The following RBMS1 variants were observed in gnomAD, a reference collection of about 807,000 sequenced individuals.
RBMS1 encodes RNA-binding motif, single-stranded-interacting protein 1.
In RBMS1, 17 loss-of-function variants were observed where a neutral mutation model predicts 62.3. That is an observed-to-expected ratio of 0.27 (90% confidence interval 0.19 to 0.41). RBMS1 has a LOEUF of 0.41. RBMS1 is among the 10% of genes least tolerant of loss of function. The pLI is 1.00. For missense variants in RBMS1, 334 were observed against 504.5 expected (o/e 0.66, Z 3.24); for synonymous variants, 172 against 170.0 (o/e 1.01, Z -0.09).
intron 1 of RBMS1, among the ~76,000 whole-genome samples, chr2:160,405,598 ATGCCTACACATTCATTTCTTTCTT>A (rs1420960308): frequency 6.6e-6 from 1 of 152,182 alleles, no homozygotes; most frequent in African/African-American, 2.4e-5. Context: ...TGTCTGTATA[ATGCCTACACATTCATTTCTTTCTT>A]TGCCTATAGA....
At chr2:160,363,543 G>A (rs151300024) in intron 2 of RBMS1, among the ~76,000 whole-genome samples, 3 of 151,904 alleles carry the variant, frequency 2.0e-5, no homozygotes, top group Non-Finnish European at 2.9e-5. Context: ...GGAGTCAGCC[G>A]GTTCTTCTGG....
chr2:160,457,412 G>C (rs12692604), intron 1 of RBMS1, among the ~76,000 whole-genome samples: 33,747 of 152,130 alleles, frequency 0.22, 4,259 homozygotes, highest in Admixed American at 0.38. Flanking sequence ...TTACAGGCGT[G>C]AGCCACCGCG....
chr2:160,482,137 G>A (rs1234281040), intron 1 of RBMS1, among the ~76,000 whole-genome samples: 1 of 151,808 alleles, frequency 6.6e-6, no homozygotes, highest in Admixed American at 6.6e-5. Flanking sequence ...ATTAAAAAAA[G>A]AACCAACTGC....
At chr2:160,455,518 G>A (rs1375214265) in intron 1 of RBMS1, among the ~76,000 whole-genome samples, 2 of 152,226 alleles carry the variant, frequency 1.3e-5, no homozygotes, top group African/African-American at 4.8e-5. Flanking sequence ...TATTAACTGT[G>A]GCTGGCAAGC....
intron 2 of RBMS1, among the ~76,000 whole-genome samples, chr2:160,342,568 A>C (rs973991678): frequency 6.6e-6 from 1 of 152,052 alleles, no homozygotes; most frequent in East Asian, 1.9e-4. Context: ...AAAATGTTAG[A>C]TTGCCATTAC....
intron 2 of RBMS1, among the ~76,000 whole-genome samples, chr2:160,353,909 C>G (rs528120569): frequency 5.3e-4 from 81 of 152,176 alleles, no homozygotes; most frequent in African/African-American, 1.7e-3. Flanking sequence ...TTAGTCCCTA[C>G]AAGAACCCTA....
intron 1 of RBMS1, among the ~76,000 whole-genome samples, chr2:160,375,002 C>T (rs1469079980): frequency 6.6e-6 from 1 of 152,056 alleles, no homozygotes; most frequent in East Asian, 1.9e-4. Flanking sequence ...TTGTCCTGGC[C>T]AGGAGCAGGA....
chr2:160,449,686 T>G (rs1455436065), intron 1 of RBMS1, among the ~76,000 whole-genome samples: 1 of 152,072 alleles, frequency 6.6e-6, no homozygotes. Flanking sequence ...ACACAAACAC[T>G]GCGGAAGGCC....
chr2:160,277,219 G>T, intron 12 of RBMS1, 84 bp downstream of exon 12: 1 of 1,239,868 alleles, frequency 8.1e-7, no homozygotes, highest in African/African-American at 1.5e-5. Flanking sequence ...TTTGACGTCT[G>T]GTAGATTTTT....
chr2:160,378,312 G>A (rs1038729850), intron 1 of RBMS1, among the ~76,000 whole-genome samples: 37 of 152,090 alleles, frequency 2.4e-4, no homozygotes, highest in African/African-American at 8.7e-4. Context: ...AAATCAAACA[G>A]GTTAATTAAA....
intron 1 of RBMS1, among the ~76,000 whole-genome samples, chr2:160,474,093 T>C (rs1685034286): frequency 6.6e-6 from 1 of 152,124 alleles, no homozygotes; most frequent in Admixed American, 6.6e-5. Context: ...AAGAACTCAA[T>C]TAAATGAACA....
intron 1 of RBMS1, among the ~76,000 whole-genome samples, chr2:160,394,110 C>T (rs1695011218): frequency 1.3e-5 from 2 of 152,204 alleles, no homozygotes; most frequent in African/African-American, 4.8e-5. Context: ...CAGACTTCCA[C>T]CCACTTTTCG....
At chr2:160,445,727 G>GA (rs1264435371) in intron 1 of RBMS1, among the ~76,000 whole-genome samples, 1 of 152,218 alleles carries the variant, frequency 6.6e-6, no homozygotes, top group Non-Finnish European at 1.5e-5. Context: ...TAGTAAGCAA[G>GA]ACCAATCCCC....
intron 2 of RBMS1, among the ~76,000 whole-genome samples, chr2:160,355,182 T>C (rs907190531): frequency 2.0e-5 from 3 of 152,164 alleles, no homozygotes; most frequent in Non-Finnish European, 2.9e-5. Context: ...ATACAGGCTA[T>C]CTCGACTGAG....
At chr2:160,440,549 C>T (rs1461701301) in intron 1 of RBMS1, among the ~76,000 whole-genome samples, 2 of 152,184 alleles carry the variant, frequency 1.3e-5, no homozygotes, top group African/African-American at 4.8e-5. Context: ...CTAGCAAAGC[C>T]TGTCCCCATC....
intron 6 of RBMS1, among the ~76,000 whole-genome samples, chr2:160,288,223 T>A (rs543823824): frequency 1.3e-5 from 2 of 152,306 alleles, no homozygotes; most frequent in East Asian, 3.8e-4. Flanking sequence ...CTGTCCTTTG[T>A]CTACTGTAGA....
intron 3 of RBMS1, among the ~76,000 whole-genome samples, chr2:160,315,100 C>G (rs1690138763): frequency 6.6e-6 from 1 of 152,168 alleles, no homozygotes; most frequent in Non-Finnish European, 1.5e-5. Flanking sequence ...AAGTTACTAT[C>G]AACTCAGGTA....
chr2:160,410,046 C>A (rs1169280108), intron 1 of RBMS1, among the ~76,000 whole-genome samples: 4 of 151,454 alleles, frequency 2.6e-5, no homozygotes, highest in African/African-American at 9.7e-5. Context: ...CACGGTGAAA[C>A]CCCGTCTCTA....
chr2:160,466,838 C>G (rs1684717153), intron 1 of RBMS1, among the ~76,000 whole-genome samples: 2 of 152,300 alleles, frequency 1.3e-5, no homozygotes, highest in African/African-American at 2.4e-5. Context: ...GTTTCAAATC[C>G]TGGCTCAACT....
Sources: allele counts gnomAD v4.1 joint callset (sites outside exome capture counted in the v4.1 genomes callset), GRCh38; gene constraint gnomAD v4.1.1; transcripts MANE v1.5; gene names NCBI Gene and HGNC (gene_info 2026-07-23, HGNC 2026-07-21).